Variants in ACVR1 observed in about 807,000 individuals in gnomAD.
ACVR1 encodes activin A receptor type 1.
A neutral mutation model predicts 57.1 loss-of-function variants in ACVR1; 38 were observed. The observed-to-expected ratio is 0.67, with a 90% CI of 0.51 to 0.87. ACVR1 has a LOEUF of 0.87. Ranked by LOEUF, ACVR1 falls within the 40% of genes least tolerant of loss-of-function variation. The probability of loss-of-function intolerance (pLI) is 0.00; values close to 1 mark genes in which losing one functional copy is unlikely to be tolerated. For missense variants in ACVR1, 463 were observed against 638.2 expected, an observed-to-expected ratio of 0.73 and a Z score of 2.96; for synonymous variants, 212 against 228.1, an observed-to-expected ratio of 0.93 and a Z score of 0.63.
intron 1 of ACVR1, among the ~76,000 whole-genome samples, chr2:157,867,532 G>A (rs920125305): frequency 9.8e-5 from 15 of 152,322 alleles, no homozygotes; most frequent in Admixed American, 4.6e-4. Context: ...ATCTCCCTCA[G>A]ACAGACATGG....
rs1018257885 is a variant in ACVR1 at position 157,762,985 on chromosome 2, A to C, written c.1067-1908T>G. 5.3e-5 allele frequency among the ~76,000 whole-genome samples: 8 copies of C among 152,288 alleles called. 1 individual carries two copies. The Middle Eastern group carries it at 0.027, about 518-fold the overall frequency. On this transcript the variant is annotated intron_variant, in intron 8 of 10. Coordinates refer to ENST00000434821, the MANE Select transcript of ACVR1 (RefSeq NM_001111067.4). ...TTCCAAGATTCCTGACTCTCAAGAGACTGTGTGAGATAACAAATCTGTGTT... is the reference window on the plus strand; with the variant it reads ...TTCCAAGATTCCTGACTCTCAAGAGCCTGTGTGAGATAACAAATCTGTGTT...
chr2:157,817,028 C>T (rs529851466), intron 2 of ACVR1, among the ~76,000 whole-genome samples: 6 of 151,986 alleles, frequency 3.9e-5, no homozygotes, highest in Non-Finnish European at 7.4e-5. Flanking sequence ...GGTGCAATCA[C>T]GGCTCATTGA....
intron 9 of ACVR1, among the ~76,000 whole-genome samples, chr2:157,748,935 A>G (rs911239927): frequency 1.3e-5 from 2 of 152,248 alleles, no homozygotes; most frequent in African/African-American, 4.8e-5. Flanking sequence ...GGAAACAGCT[A>G]TTAGAGACTT....
chr2:157,770,470 C>T lies in ACVR1; in HGVS notation c.688G>A (p.Glu230Lys). The T allele has an allele frequency of 1.2e-6, 2 of 1,613,946 alleles. No homozygotes were observed. The highest frequency in any genetic ancestry group is 1.7e-6 in the Non-Finnish European group (2 of 1,179,910). ...GEVWRGSWQG[E>K]NVAVKIFSSR... Reference sequence around the variant, plus strand: ...GAGAAGATCTTCACGGCAACATTCTCCCCTTGCCAGCTGCCCCTCCACACC... The same window carrying T: ...GAGAAGATCTTCACGGCAACATTCTTCCCTTGCCAGCTGCCCCTCCACACC... The change falls in exon 7 of 11, where the codon GAG (glutamate) becomes AAG (lysine). Residue 230 changes from glutamate (E) to lysine (K), a missense_variant. Physicochemically the swap from Glu to Lys is moderately conservative, Grantham distance 56 (BLOSUM62 1). Around this residue, in one of 3 missense-constraint regions of ACVR1, gnomAD observed 114 missense variants for 216.2 expected, o/e 0.53. Transcript: ENST00000434821.
At chr2:157,777,451 T>A (rs1010546233) in intron 5 of ACVR1, among the ~76,000 whole-genome samples, 6 of 152,226 alleles carry the variant, frequency 3.9e-5, no homozygotes, top group Admixed American at 2.0e-4. Context: ...TAATCGATTA[T>A]ACGTTGAAAT....
At chr2:157,774,573 A>C (rs1449502443) in intron 5 of ACVR1, among the ~76,000 whole-genome samples, 1 of 152,164 alleles carries the variant, frequency 6.6e-6, no homozygotes, top group African/African-American at 2.4e-5. Context: ...CATGTTGGTC[A>C]GGCTGGTCTC....
intron 1 of ACVR1, among the ~76,000 whole-genome samples, chr2:157,851,150 A>T (rs1193489825): frequency 6.6e-6 from 1 of 152,186 alleles, no homozygotes; most frequent in African/African-American, 2.4e-5. Context: ...GGCAGGACCT[A>T]GCAAACGGAA....
At chr2:157,835,156 C>T (rs1688735831) in intron 1 of ACVR1, among the ~76,000 whole-genome samples, 1 of 152,152 alleles carries the variant, frequency 6.6e-6, no homozygotes, top group Non-Finnish European at 1.5e-5. Flanking sequence ...ACTGCCAGCA[C>T]TCCACATCCC....
At chr2:157,799,607 T>C (rs527780171) in intron 2 of ACVR1, 107 bp from the exon 3 acceptor site, 8 of 807,988 alleles carry the variant, frequency 9.9e-6, no homozygotes, top group Admixed American at 1.9e-5. Flanking sequence ...TTCTTACTAA[T>C]CACCCTCAGA....
At chr2:157,859,617 C>T (rs1689656700) in intron 1 of ACVR1, among the ~76,000 whole-genome samples, 1 of 152,134 alleles carries the variant, frequency 6.6e-6, no homozygotes, top group South Asian at 2.1e-4. Context: ...TTATCAGATT[C>T]TCCTTTTCCT....
At chr2:157,780,650 G>A (rs372820011) in intron 3 of ACVR1, 50 bp from the exon 4 acceptor site, 127 of 1,595,686 alleles carry the variant, frequency 8.0e-5, no homozygotes, top group Middle Eastern at 1.7e-4. Flanking sequence ...AGGAATTACC[G>A]TATGAGTTTC....
At chr2:157,860,729 C>A (rs980750778) in intron 1 of ACVR1, among the ~76,000 whole-genome samples, 2 of 151,948 alleles carry the variant, frequency 1.3e-5, no homozygotes, top group Non-Finnish European at 2.9e-5. Flanking sequence ...CTAATAATGT[C>A]ACTTCTTCAT....
At chr2:157,825,607 C>T (rs917293731) in intron 1 of ACVR1, among the ~76,000 whole-genome samples, 1 of 152,152 alleles carries the variant, frequency 6.6e-6, no homozygotes, top group African/African-American at 2.4e-5. Context: ...CTAGGTTGTA[C>T]ACTCCTTATG....
At chr2:157,846,114 G>T (rs1259115313) in intron 1 of ACVR1, among the ~76,000 whole-genome samples, 1 of 152,172 alleles carries the variant, frequency 6.6e-6, no homozygotes, top group Non-Finnish European at 1.5e-5. Flanking sequence ...GATTATCCGG[G>T]TAGGCCCTAA....
At chr2:157,830,508 T>C (rs560066890) in intron 1 of ACVR1, among the ~76,000 whole-genome samples, 6 of 152,238 alleles carry the variant, frequency 3.9e-5, no homozygotes, top group South Asian at 2.1e-4. Context: ...AGACAATGTG[T>C]AAACTAAGTG....
At chr2:157,780,087 C>CT (rs1398890664) in intron 4 of ACVR1, among the ~76,000 whole-genome samples, 1 of 152,236 alleles carries the variant, frequency 6.6e-6, no homozygotes, top group Non-Finnish European at 1.5e-5. Context: ...AGAAAGCTAA[C>CT]TGGTCAGCTA....
intron 7 of ACVR1, among the ~76,000 whole-genome samples, chr2:157,769,838 C>A (rs1686011037): frequency 6.6e-6 from 1 of 152,202 alleles, no homozygotes; most frequent in Non-Finnish European, 1.5e-5. Flanking sequence ...TTTCAACGGG[C>A]ACTTTACATA....
At chr2:157,840,042 A>G (rs968309200) in intron 1 of ACVR1, among the ~76,000 whole-genome samples, 5 of 152,292 alleles carry the variant, frequency 3.3e-5, no homozygotes, top group Admixed American at 2.6e-4. Flanking sequence ...AGCCCACCCA[A>G]TCAGAGTGAC....
intron 6 of ACVR1, among the ~76,000 whole-genome samples, chr2:157,773,686 T>C (rs1374688013): frequency 1.3e-5 from 2 of 152,198 alleles, no homozygotes; most frequent in East Asian, 3.8e-4. Flanking sequence ...TCATTAATTA[T>C]TGCCATTAAA....
Sources: allele counts gnomAD v4.1 joint callset (sites outside exome capture counted in the v4.1 genomes callset), GRCh38; gene constraint gnomAD v4.1.1; regional missense constraint gnomAD v4.1.1; transcripts MANE v1.5; gene names NCBI Gene and HGNC (gene_info 2026-07-23, HGNC 2026-07-21).